CSNK1G1: variants seen among roughly 807,000 people sequenced by gnomAD.
The protein encoded by CSNK1G1 is casein kinase I isoform gamma-1.
CSNK1G1 carries 22 observed loss-of-function variants against 59.6 expected under a neutral mutation model. That is an observed-to-expected ratio of 0.37 (90% CI 0.26 to 0.53). CSNK1G1 has a LOEUF of 0.53. Among genes scored for constraint, CSNK1G1 ranks in the 20% least tolerant of loss-of-function variants. The pLI is 0.89. For missense variants in CSNK1G1, 384 were observed against 519.5 expected (o/e 0.74, Z 2.54); for synonymous variants, 179 against 177.1 (o/e 1.01, Z -0.08).
At chr15:64,276,985 G>GA (rs927349354) in intron 2 of CSNK1G1, among the ~76,000 whole-genome samples, 16 of 151,326 alleles carry the variant, frequency 1.1e-4, no homozygotes, top group African/African-American at 3.9e-4. Flanking sequence ...AGTTGAAAGT[G>GA]AAAAAACAAT....
chr15:64,301,039 G>C (rs1546596), intron 1 of CSNK1G1, among the ~76,000 whole-genome samples: 2 of 152,180 alleles, frequency 1.3e-5, no homozygotes, highest in African/African-American at 2.4e-5. Flanking sequence ...CAGAAATACA[G>C]AGCAGTGCTA....
chr15:64,218,258 C>G (rs1238874083), intron 4 of CSNK1G1, among the ~76,000 whole-genome samples: 1 of 151,936 alleles, frequency 6.6e-6, no homozygotes, highest in Admixed American at 6.6e-5. Context: ...GCCCCATTCC[C>G]TTTTTATTTC....
chr15:64,234,832 G>A (rs1340038627), intron 4 of CSNK1G1, among the ~76,000 whole-genome samples: 1 of 152,036 alleles, frequency 6.6e-6, no homozygotes, highest in African/African-American at 2.4e-5. Context: ...AAGCTACCTG[G>A]ACCAGGATTG....
In CSNK1G1 at chr15:64,243,687, A is replaced by G. The variant is rs148123525; in HGVS notation, c.292+7825T>C. ...CAAAAAAATTCTCAAAATGAATTTA[A>G]AAATGTAGTCAAGTTGCAAGATACA... On this transcript the variant is annotated intron_variant, in intron 4 of 11. Coordinates refer to ENST00000303052, the MANE Select transcript of CSNK1G1 (RefSeq NM_022048.5). Among the ~76,000 whole-genome samples, 55 of 152,348 alleles carry G rather than the reference A, an allele frequency of 3.6e-4. 1 individual carries two copies. Among genetic ancestry groups the G allele is most frequent in the African/African-American group, 1.2e-3 (49 of 41,582 alleles).
rs140365766 is a variant in CSNK1G1 at position 64,186,820 on chromosome 15, T to C, written c.1108-6366A>G. Among the ~76,000 whole-genome samples, 44 of 150,616 alleles carry C rather than the reference T, an allele frequency of 2.9e-4. No homozygotes were observed. In the East Asian group the frequency reaches 8.3e-3, roughly 28 times the overall value. The stretch of plus-strand genomic sequence containing the variant: ...CACTGTGCCTGGCTCCTAAGAGCAA[T>C]GATTTTTTTCTCTTTTTTTTTGAGA... On this transcript the variant is annotated intron_variant, in intron 10 of 11. Transcript: ENST00000303052.
chr15:64,177,927 T>C (rs2081760344), intron 11 of CSNK1G1, among the ~76,000 whole-genome samples: 1 of 152,224 alleles, frequency 6.6e-6, no homozygotes, highest in Non-Finnish European at 1.5e-5. Context: ...GAATTGAGAA[T>C]GGGGTGGGAG....
chr15:64,236,390 A>C (rs2082617446), intron 4 of CSNK1G1, among the ~76,000 whole-genome samples: 3 of 152,164 alleles, frequency 2.0e-5, no homozygotes. Context: ...AATAACTGCA[A>C]CTATTCATCT....
chr15:64,333,867 T>G (rs552342128), intron 1 of CSNK1G1, among the ~76,000 whole-genome samples: 17 of 152,310 alleles, frequency 1.1e-4, no homozygotes, highest in African/African-American at 3.1e-4. Flanking sequence ...TAAACATATA[T>G]GTACCTAATT....
intron 9 of CSNK1G1, among the ~76,000 whole-genome samples, chr15:64,203,694 T>TAAAAAAAA (rs531367701): frequency 7.1e-5 from 4 of 56,178 alleles, no homozygotes; most frequent in African/African-American, 1.5e-4. Flanking sequence ...TGAAACTCCG[T>TAAAAAAAA]AAAAAAAAAA....
At chr15:64,208,555 C>CAA (rs1471824054) in intron 6 of CSNK1G1, among the ~76,000 whole-genome samples, 1 of 152,170 alleles carries the variant, frequency 6.6e-6, no homozygotes, top group Non-Finnish European at 1.5e-5. Context: ...TTTTTACAGA[C>CAA]AGAGTCCTTG....
At chr15:64,192,343 G>A (rs1006506264) in intron 10 of CSNK1G1, among the ~76,000 whole-genome samples, 2 of 152,186 alleles carry the variant, frequency 1.3e-5, no homozygotes, top group African/African-American at 4.8e-5. Flanking sequence ...TTGGGGGAAC[G>A]CTTTAAAATT....
intron 4 of CSNK1G1, among the ~76,000 whole-genome samples, chr15:64,227,674 A>G (rs2082480540): frequency 6.6e-6 from 1 of 152,148 alleles, no homozygotes; most frequent in African/African-American, 2.4e-5. Context: ...TCTTCACCTA[A>G]GTAGTCTTTT....
rs762282932 is a variant in CSNK1G1, at chr15:64,280,384, C to CT, written c.181+19934dup. On this transcript the variant is annotated intron_variant, in intron 2 of 11. Coordinates refer to ENST00000303052, the MANE Select transcript of CSNK1G1 (RefSeq NM_022048.5). ...AGGTAGTCATTCCACTCAGACTTAC[C>CT]TTTTTTTTTTTGTTTGTATTGTTTT... is the stretch of plus-strand genomic sequence containing the variant. Among the ~76,000 whole-genome samples the CT allele has an allele frequency of 8.6e-3, 1,253 of 145,658 alleles. 11 individuals are homozygous for CT. Among genetic ancestry groups the CT allele is most frequent in the African/African-American group, 0.026 (1,042 of 39,858 alleles).
chr15:64,307,453 C>T (rs554488492), intron 1 of CSNK1G1, among the ~76,000 whole-genome samples: 2 of 152,136 alleles, frequency 1.3e-5, no homozygotes, highest in African/African-American at 4.8e-5. Flanking sequence ...GTGGCTCATG[C>T]CTGTAGTCCC....
chr15:64,313,998 T>C (rs79401670), intron 1 of CSNK1G1, among the ~76,000 whole-genome samples: 78 of 152,300 alleles, frequency 5.1e-4, no homozygotes, highest in African/African-American at 1.8e-3. Flanking sequence ...ACTTCTAGTG[T>C]AGAGAGGGCC....
At chr15:64,332,337 T>G (rs1566950728) in intron 1 of CSNK1G1, among the ~76,000 whole-genome samples, 1 of 137,552 alleles carries the variant, frequency 7.3e-6, no homozygotes, top group African/African-American at 2.7e-5. Flanking sequence ...TGGAATACTA[T>G]GCAGCCATAA....
At chr15:64,230,495 A>T (rs941711703) in intron 4 of CSNK1G1, among the ~76,000 whole-genome samples, 2 of 151,680 alleles carry the variant, frequency 1.3e-5, no homozygotes, top group African/African-American at 4.8e-5. Flanking sequence ...ACAGGGTCCC[A>T]CTAGGTTGCC....
chr15:64,208,471 TC>T (rs1266895173), intron 6 of CSNK1G1, among the ~76,000 whole-genome samples: 1 of 152,334 alleles, frequency 6.6e-6, no homozygotes, highest in East Asian at 1.9e-4. Context: ...AACTGCAACT[TC>T]ATCTCAGAAA....
intron 10 of CSNK1G1, chr15:64,181,233 T>C (rs1194480581): frequency 6.5e-7 from 1 of 1,535,704 alleles, no homozygotes; most frequent in African/African-American, 1.4e-5. Context: ...TTCTCACTGA[T>C]GGTCCCCGAA....
Sources: allele counts gnomAD v4.1 joint callset (sites outside exome capture counted in the v4.1 genomes callset), GRCh38; gene constraint gnomAD v4.1.1; transcripts MANE v1.5; gene names NCBI Gene and HGNC (gene_info 2026-07-23, HGNC 2026-07-21).